The following FAM193A variants were observed in gnomAD, a reference collection of about 807,000 sequenced individuals.
The protein encoded by FAM193A is family with sequence similarity 193 member A, also known as protein FAM193A.
In FAM193A, 22 loss-of-function variants were observed where a neutral mutation model predicts 126.5. That is an observed-to-expected ratio of 0.17 (90% CI 0.12 to 0.25). The LOEUF (loss-of-function observed/expected upper bound fraction) is 0.25, where lower values mean the gene tolerates loss of function less well. Ranked by LOEUF, FAM193A falls within the 10% of genes least tolerant of loss-of-function variation. FAM193A has a pLI of 1.00. For synonymous variants in FAM193A, 761 were observed against 646.8 expected, an observed-to-expected ratio of 1.18 and a Z score of -2.68; for missense variants, 1,675 against 1,672.8, an observed-to-expected ratio of 1.00 and a Z score of -0.02.
chr4:2,658,236 G>A (rs1174280198), intron 8 of FAM193A, among the ~76,000 whole-genome samples: 1 of 152,126 alleles, frequency 6.6e-6, no homozygotes, highest in Non-Finnish European at 1.5e-5. Flanking sequence ...GTTAGGGTGA[G>A]GTTAAGGATG....
chr4:2,585,251 G>A (rs919090201), intron 1 of FAM193A, among the ~76,000 whole-genome samples: 8 of 152,276 alleles, frequency 5.3e-5, no homozygotes, highest in African/African-American at 1.9e-4. Context: ...TCCAGAAAAG[G>A]AATTACTGGG....
chr4:2,657,651 A>G, intron 7 of FAM193A, 152 bp from the exon 8 acceptor site: 2 of 553,900 alleles, frequency 3.6e-6, no homozygotes, highest in African/African-American at 1.9e-5. Context: ...ACCTGTTAAC[A>G]TATTTGTAGT....
intron 1 of FAM193A, among the ~76,000 whole-genome samples, chr4:2,582,449 C>T (rs1379347903): frequency 6.6e-6 from 1 of 151,878 alleles, no homozygotes; most frequent in African/African-American, 2.4e-5. Flanking sequence ...TGTTTATTTC[C>T]TTCCTTCCTT....
intron 2 of FAM193A, among the ~76,000 whole-genome samples, chr4:2,604,790 CCTT>C (rs1741432419): frequency 7.5e-6 from 1 of 134,194 alleles, no homozygotes; most frequent in African/African-American, 2.9e-5. Context: ...TTTTCTTTTT[CCTT>C]TTTTTTTTTT....
chr4:2,589,169 T>A (rs573029861), intron 1 of FAM193A, among the ~76,000 whole-genome samples: 15 of 152,340 alleles, frequency 9.8e-5, no homozygotes, highest in African/African-American at 3.6e-4. Flanking sequence ...ACACGGCAAC[T>A]ACATTTGTAT....
chr4:2,610,873 G>A (rs977222299), intron 2 of FAM193A, among the ~76,000 whole-genome samples: 1 of 152,070 alleles, frequency 6.6e-6, no homozygotes, highest in Non-Finnish European at 1.5e-5. Context: ...AAGTAGCTGA[G>A]ATTACAGGCA....
chr4:2,637,796 A>G (rs545466637), intron 5 of FAM193A, among the ~76,000 whole-genome samples: 14 of 152,184 alleles, frequency 9.2e-5, no homozygotes, highest in Admixed American at 2.6e-4. Context: ...TTCACAGGGA[A>G]CTTACTGGAG....
chr4:2,610,132 T>C (rs1741775636), intron 2 of FAM193A, among the ~76,000 whole-genome samples: 1 of 152,022 alleles, frequency 6.6e-6, no homozygotes, highest in Admixed American at 6.6e-5. Flanking sequence ...CTCAGGAGGC[T>C]GAGGCAGGAG....
chr4:2,637,433 C>A (rs1302763571), intron 5 of FAM193A, among the ~76,000 whole-genome samples: 5 of 152,190 alleles, frequency 3.3e-5, no homozygotes, highest in African/African-American at 1.2e-4. Context: ...AAACACCTCA[C>A]CAGGCTATAA....
At chr4:2,536,463 C>T (rs927387382), upstream of FAM193A, among the ~76,000 whole-genome samples, 1 of 151,606 alleles carries the variant, frequency 6.6e-6, no homozygotes, top group South Asian at 2.1e-4. Flanking sequence ...GCTGCACGGG[C>T]AGCACGGACT....
At chr4:2,577,398 C>T (rs147584463) in intron 1 of FAM193A, among the ~76,000 whole-genome samples, 44 of 143,664 alleles carry the variant, frequency 3.1e-4, no homozygotes, top group Middle Eastern at 4.0e-3. Context: ...AATCTATTCA[C>T]TCAATTAAAG....
At position 2,719,740 on chromosome 4, in the gene FAM193A, CAAAA is replaced by C. The variant is rs369345535; in HGVS notation, c.4454+3651_4454+3654del. 4.9e-5 allele frequency among the ~76,000 whole-genome samples: 5 copies of C among 102,426 alleles called. 1 individual carries two copies. The highest frequency in any genetic ancestry group is 3.7e-5 in the Non-Finnish European group (2 of 53,650). The allele number at this position is 102,426 out of a possible 152,430, so 67.2% of individuals were successfully genotyped here. ...AGCCTGGGCAACAGAGAGACACTCT[CAAAA>C]AAAAAAAAAAAAAATCCTCCTTCCT... is the stretch of plus-strand genomic sequence containing the variant. On this transcript the variant is annotated intron_variant, in intron 20 of 20. Transcript: ENST00000637812.
At chr4:2,710,722 C>T (rs1718855473) in intron 19 of FAM193A, among the ~76,000 whole-genome samples, 1 of 151,994 alleles carries the variant, frequency 6.6e-6, no homozygotes, top group South Asian at 2.1e-4. Context: ...CCAGGCTGGT[C>T]TCAAACTCCT....
At chr4:2,664,807 C>T (rs924408246) in intron 12 of FAM193A, among the ~76,000 whole-genome samples, 4 of 152,096 alleles carry the variant, frequency 2.6e-5, no homozygotes, top group African/African-American at 9.7e-5. Context: ...TTGTGATCCG[C>T]CCGTGTTGGC....
At chr4:2,566,465 G>A (rs144047460) in intron 1 of FAM193A, among the ~76,000 whole-genome samples, 2,497 of 152,228 alleles carry the variant, frequency 0.016, 55 homozygotes, top group African/African-American at 0.049. Flanking sequence ...TGAGGCGGAC[G>A]GATCACTTGA....
At position 2,625,348 on chromosome 4, in the gene FAM193A, G is replaced by A. The variant is rs976059475; in HGVS notation, c.588G>A (p.Thr196=). ...SGGRLALGAQ[T]LPSDTACSCE... is the part of the protein sequence containing the mutation. ...GGAGGCTCGCTCTGGGTGCACAGAC[G>A]CTGCCTTCAGACACCGCATGCTCGT... is the stretch of plus-strand genomic sequence containing the variant. Residue 196 remains threonine (T), a synonymous_variant, in exon 3 of 21, where the codon ACG becomes ACA. Transcript: ENST00000637812. 5.7e-6 allele frequency: 4 copies of A among 702,914 alleles called. No homozygotes were observed. The highest frequency in any genetic ancestry group is 7.8e-6 in the Non-Finnish European group (3 of 384,922). The allele number at this position is 702,914 out of a possible 1,614,324, so 43.5% of individuals were successfully genotyped here. A position where few individuals can be genotyped will look rare whatever the true frequency, so the allele number is the denominator to read the frequency against.
chr4:2,696,342 T>A (rs772093627), intron 17 of FAM193A, 21 bp from the exon 18 acceptor site: 2 of 1,553,748 alleles, frequency 1.3e-6, no homozygotes, highest in South Asian at 1.2e-5. Context: ...AACTTAAGCA[T>A]AACTTTGTTG....
intron 1 of FAM193A, among the ~76,000 whole-genome samples, chr4:2,549,887 C>T (rs968476900): frequency 4.6e-5 from 7 of 151,654 alleles, no homozygotes; most frequent in Middle Eastern, 3.4e-3. Flanking sequence ...ACCACTGCAC[C>T]TGGCTAATTT....
At chr4:2,655,711 G>A (rs1209975803) in intron 7 of FAM193A, among the ~76,000 whole-genome samples, 6 of 151,894 alleles carry the variant, frequency 4.0e-5, no homozygotes, top group Non-Finnish European at 7.4e-5. Flanking sequence ...CAGAAGGATC[G>A]CTTGAGCCCA....
Sources: allele counts gnomAD v4.1 joint callset (sites outside exome capture counted in the v4.1 genomes callset), GRCh38; gene constraint gnomAD v4.1.1; transcripts MANE v1.5; gene names NCBI Gene and HGNC (gene_info 2026-07-23, HGNC 2026-07-21).